The following PREX1 variants were observed in gnomAD, a reference collection of about 807,000 sequenced individuals.
PREX1 encodes phosphatidylinositol-3,4,5-trisphosphate dependent Rac exchange factor 1.
Under a neutral mutation model 198.3 loss-of-function variants are expected in PREX1, and 41 were observed. The observed-to-expected ratio is 0.21, with a 90% CI of 0.16 to 0.27. The LOEUF (loss-of-function observed/expected upper bound fraction) is 0.27. Ranked by LOEUF, PREX1 falls within the 10% of genes least tolerant of loss-of-function variation. The pLI is 1.00. For missense variants in PREX1, 1,620 were observed against 2,200.7 expected (o/e 0.74, Z 5.28); for synonymous variants, 843 against 887.2 (o/e 0.95, Z 0.89).
In PREX1 at chr20:48,632,657, G is replaced by A; in HGVS notation, c.4268-18C>T. On this transcript the variant is annotated intron_variant, in intron 33 of 39. Transcript: ENST00000371941. Reference sequence around the variant, plus strand: ...GTTGGTGTCTGCGGAAGGATATGGGGCAGGATGACTCACCACCGAGGCCAA... The same window carrying A: ...GTTGGTGTCTGCGGAAGGATATGGGACAGGATGACTCACCACCGAGGCCAA... The A allele has an allele frequency of 6.2e-7, 1 of 1,612,866 alleles. No individual in the cohort carries two copies. Among genetic ancestry groups the A allele is most frequent in the Non-Finnish European group, 8.5e-7 (1 of 1,179,490 alleles).
At chr20:48,750,465 C>T (rs956052608) in intron 1 of PREX1, among the ~76,000 whole-genome samples, 1 of 152,178 alleles carries the variant, frequency 6.6e-6, no homozygotes, top group Admixed American at 6.5e-5. Flanking sequence ...TCTCTCTGAT[C>T]TCATCTTCCA....
At chr20:48,848,722 A>T in the PREX1 span, among the ~76,000 whole-genome samples, 1 of 152,152 alleles carries the variant, frequency 6.6e-6, no homozygotes, top group East Asian at 1.9e-4. Flanking sequence ...TTGTACATTT[A>T]TATGTATAGA....
At chr20:48,857,394 G>A in the PREX1 span, among the ~76,000 whole-genome samples, 3 of 152,194 alleles carry the variant, frequency 2.0e-5, no homozygotes, top group Middle Eastern at 6.3e-3. Flanking sequence ...ATAAACCAGA[G>A]GGCTTGGCCG....
At chr20:48,861,012 T>C in the PREX1 span, among the ~76,000 whole-genome samples, 4 of 152,060 alleles carry the variant, frequency 2.6e-5, no homozygotes, top group Non-Finnish European at 5.9e-5. Context: ...ACAAATAAGA[T>C]GGCCCTGCCT....
chr20:48,761,626 G>A (rs532159984), intron 1 of PREX1, among the ~76,000 whole-genome samples: 1 of 152,310 alleles, frequency 6.6e-6, no homozygotes, highest in South Asian at 2.1e-4. Context: ...GGGGAAGGCA[G>A]TGGGGGACAC....
the PREX1 span, among the ~76,000 whole-genome samples, chr20:48,878,256 AAAG>A: frequency 6.6e-6 from 1 of 152,194 alleles, no homozygotes; most frequent in Non-Finnish European, 1.5e-5. Context: ...ATAGCCACAA[AAAG>A]TATACATGCA....
chr20:48,788,319 A>G (rs969642635), intron 1 of PREX1, among the ~76,000 whole-genome samples: 8 of 152,174 alleles, frequency 5.3e-5, no homozygotes, highest in Non-Finnish European at 1.2e-4. Context: ...GTCCTTCAGA[A>G]ATCTCAGTAG....
chr20:48,858,444 C>T, the PREX1 span, among the ~76,000 whole-genome samples: 17,250 of 152,274 alleles, frequency 0.11, 1,244 homozygotes, highest in Non-Finnish European at 0.16. Flanking sequence ...CATCTGCCCC[C>T]AATCCTCAAC....
At chr20:48,828,462 G>T (rs987488458), upstream of PREX1, among the ~76,000 whole-genome samples, 26 of 152,078 alleles carry the variant, frequency 1.7e-4, no homozygotes, top group Admixed American at 5.2e-4. Flanking sequence ...CTGCGGAGCC[G>T]CTCGGGGGCA....
chr20:48,874,694 T>C, the PREX1 span, among the ~76,000 whole-genome samples: 5 of 151,848 alleles, frequency 3.3e-5, no homozygotes. Flanking sequence ...CTGACCAACA[T>C]GGTAAAACCC....
intron 1 of PREX1, among the ~76,000 whole-genome samples, chr20:48,776,685 G>T (rs1028888504): frequency 1.3e-5 from 2 of 152,152 alleles, no homozygotes; most frequent in African/African-American, 4.8e-5. Context: ...TGAGGTATTT[G>T]CTCCCATGGC....
At chr20:48,723,377 CG>C (rs1412174805) in intron 5 of PREX1, among the ~76,000 whole-genome samples, 2 of 152,178 alleles carry the variant, frequency 1.3e-5, no homozygotes, top group African/African-American at 4.8e-5. Flanking sequence ...GAAGGAACTC[CG>C]GAGGTGGGGG....
intron 1 of PREX1, among the ~76,000 whole-genome samples, chr20:48,802,207 T>C (rs1230271158): frequency 6.6e-6 from 1 of 151,566 alleles, no homozygotes; most frequent in Admixed American, 6.6e-5. Context: ...TTTTAAAAGG[T>C]AAGTCATTCA....
At chr20:48,628,331 T>C (rs2089289245) in intron 37 of PREX1, among the ~76,000 whole-genome samples, 2 of 152,218 alleles carry the variant, frequency 1.3e-5, no homozygotes, top group Admixed American at 6.5e-5. Context: ...GGGTTTGAGA[T>C]GGACACATCG....
At chr20:48,884,573 T>C in the PREX1 span, among the ~76,000 whole-genome samples, 1 of 152,184 alleles carries the variant, frequency 6.6e-6, no homozygotes, top group Admixed American at 6.5e-5. Flanking sequence ...GAAGAAAACA[T>C]TGGAATAAAT....
rs1334318462 is a variant in PREX1 at position 48,629,698 on chromosome 20, C to T, written c.4594-77G>A. The stretch of plus-strand genomic sequence containing the variant: ...CCTCAGCCCCCATCTGGCCCTCCTC[C>T]CCCACCATATCCTTCTAATCCAGCT... On this transcript the variant is annotated intron_variant, in intron 36 of 39. Transcript: ENST00000371941. 3.4e-6 allele frequency: 5 copies of T among 1,464,306 alleles called. No homozygotes were observed. In the Admixed American group the frequency reaches 8.8e-5, roughly 26 times the overall value. The allele number at this position is 1,464,306 out of a possible 1,614,324, so 90.7% of individuals were successfully genotyped here.
chr20:48,635,293 A>C (rs2089353551), intron 32 of PREX1, among the ~76,000 whole-genome samples: 1 of 151,980 alleles, frequency 6.6e-6, no homozygotes, highest in East Asian at 1.9e-4. Flanking sequence ...CCTGGCCACC[A>C]CCCAGGTTCA....
Position 48,691,214 on chromosome 20 carries a change from G to A in PREX1, c.1037-118C>T, listed in dbSNP as rs1374191476. 12 of 1,294,088 alleles carry A rather than the reference G, an allele frequency of 9.3e-6. No homozygotes were observed. The highest frequency in any genetic ancestry group is 2.4e-5 in the East Asian group (1 of 41,976). The allele number at this position is 1,294,088 out of a possible 1,614,324, so 80.2% of individuals were successfully genotyped here. On this transcript the variant is annotated intron_variant, in intron 8 of 39. Coordinates refer to ENST00000371941, the MANE Select transcript of PREX1 (RefSeq NM_020820.4). This position sits in a 1 kb window ranked among gnomAD's most constrained non-coding sequence, Gnocchi z 5.0. ...AGGGCCCTCGCCTGGATCAGGATGG[G>A]GAGCTGGACTTCCAGCCCTTCAAAC...
At position 48,657,023 on chromosome 20, in the gene PREX1, C is replaced by G; in HGVS notation, c.2123+17G>C. 1 of 1,570,444 alleles carries G rather than the reference C, an allele frequency of 6.4e-7. No homozygotes were observed. Among genetic ancestry groups the G allele is most frequent in the Non-Finnish European group, 8.6e-7 (1 of 1,157,198 alleles). On this transcript the variant is annotated intron_variant, in intron 18 of 39. Transcript: ENST00000371941. Reference sequence around the variant, plus strand: ...TGAGAGGGAGGGCTGCCGGACACCCCGCCCTGGGACACTCACTCTTTGGCC... The same window carrying G: ...TGAGAGGGAGGGCTGCCGGACACCCGGCCCTGGGACACTCACTCTTTGGCC...
Sources: allele counts gnomAD v4.1 joint callset (sites outside exome capture counted in the v4.1 genomes callset), GRCh38; gene constraint gnomAD v4.1.1; non-coding constraint Gnocchi (gnomAD v3.1); transcripts MANE v1.5; gene names NCBI Gene and HGNC (gene_info 2026-07-23, HGNC 2026-07-21).